The following ELMO1 variants were observed in gnomAD, a reference collection of about 807,000 sequenced individuals.
ELMO1 encodes engulfment and cell motility protein 1.
In ELMO1, 26 loss-of-function variants were observed where a neutral mutation model predicts 98.9. The ratio of observed to expected loss-of-function variants is 0.26; its 90% CI spans 0.19 to 0.36. The LOEUF is 0.36. ELMO1 is among the 10% of genes least tolerant of loss of function. ELMO1 has a pLI of 1.00. For missense variants in ELMO1, 627 were observed against 935.2 expected (o/e 0.67, Z 4.30); for synonymous variants, 346 against 346.0 (o/e 1.00, Z 0.00).
chr7:37,266,953 T>C (rs1434087957), intron 5 of ELMO1, among the ~76,000 whole-genome samples: 1 of 151,096 alleles, frequency 6.6e-6, no homozygotes, highest in African/African-American at 2.4e-5. Context: ...GCGGAGATTT[T>C]AGTGAGCTGA....
Position 36,856,169 on chromosome 7 carries a change from A to G in ELMO1, c.1984-418T>C, listed in dbSNP as rs116662010. On this transcript the variant is annotated intron_variant, in intron 21 of 21. Coordinates refer to ENST00000310758, the MANE Select transcript of ELMO1 (RefSeq NM_014800.11). ...CAGCCCTGGACTCAACATCAGGTGA[A>G]GCAGGTTTCTTTGCTGACTCCAGTC... is the stretch of plus-strand genomic sequence containing the variant. Among the ~76,000 whole-genome samples, 278 of 152,334 alleles carry G rather than the reference A, an allele frequency of 1.8e-3. 1 individual carries two copies. Among genetic ancestry groups the G allele is most frequent in the African/African-American group, 6.5e-3 (271 of 41,578 alleles).
intron 1 of ELMO1, among the ~76,000 whole-genome samples, chr7:37,402,405 G>A (rs978769170): frequency 2.0e-5 from 3 of 152,074 alleles, no homozygotes; most frequent in Non-Finnish European, 2.9e-5. Flanking sequence ...GGTTTTTCGT[G>A]GGGTAAAGGG....
At chr7:37,259,104 A>G in intron 6 of ELMO1, 77 bp downstream of exon 6, 3 of 1,463,442 alleles carry the variant, frequency 2.0e-6, no homozygotes, top group Non-Finnish European at 2.7e-6. Flanking sequence ...AGAGTTTGCA[A>G]GTGTAAGGCA....
chr7:37,109,563 G>A (rs1195880445), intron 14 of ELMO1, among the ~76,000 whole-genome samples: 1 of 152,088 alleles, frequency 6.6e-6, no homozygotes, highest in South Asian at 2.1e-4. Flanking sequence ...GGAGTGTGAG[G>A]GTGGGGAACA....
chr7:36,855,526 A>C lies in ELMO1; in HGVS notation c.*25T>G. Reference sequence around the variant, plus strand: ...GTTAGCTAGGTGTTCCAGTTTTGGAAGGGGCATGTCTGGGCCCGGCCACTT... The same window carrying C: ...GTTAGCTAGGTGTTCCAGTTTTGGACGGGGCATGTCTGGGCCCGGCCACTT... On this transcript the variant is annotated 3_prime_UTR_variant, in exon 22 of 22. Transcript: ENST00000310758. This position sits in a 1 kb window ranked among gnomAD's most constrained non-coding sequence, Gnocchi z 4.2. 1 of 1,613,168 alleles carries C rather than the reference A, an allele frequency of 6.2e-7. No individual in the cohort carries two copies.
At chr7:37,094,041 C>T (rs757569254) in intron 15 of ELMO1, among the ~76,000 whole-genome samples, 12 of 152,180 alleles carry the variant, frequency 7.9e-5, no homozygotes, top group African/African-American at 1.9e-4. Context: ...TGAACTCCTT[C>T]GGGGACAAGG....
chr7:37,013,774 T>A (rs1281834876), intron 15 of ELMO1: 3 of 183,942 alleles, frequency 1.6e-5, no homozygotes, highest in African/African-American at 7.0e-5. Context: ...TACAGATTAT[T>A]CAAACTGCCC....
chr7:37,096,958 G>A (rs1200626552), intron 14 of ELMO1, among the ~76,000 whole-genome samples: 3 of 152,134 alleles, frequency 2.0e-5, no homozygotes, highest in Non-Finnish European at 4.4e-5. Flanking sequence ...TATTTTGCTT[G>A]TTCGTTCCCA....
At chr7:37,134,636 A>C (rs1161152179) in intron 13 of ELMO1, among the ~76,000 whole-genome samples, 1 of 152,192 alleles carries the variant, frequency 6.6e-6, no homozygotes, top group Non-Finnish European at 1.5e-5. Flanking sequence ...TACTATTCAC[A>C]ATAGCAAAGA....
intron 15 of ELMO1, among the ~76,000 whole-genome samples, chr7:37,041,994 G>C (rs1584554306): frequency 6.6e-6 from 1 of 151,886 alleles, no homozygotes; most frequent in Non-Finnish European, 1.5e-5. Context: ...TTGTTAAAGA[G>C]AGTTACATGG....
chr7:36,909,589 T>G (rs1190725232), intron 16 of ELMO1, among the ~76,000 whole-genome samples: 1 of 152,254 alleles, frequency 6.6e-6, no homozygotes, highest in Non-Finnish European at 1.5e-5. Context: ...TTTTCGTGTG[T>G]GTGGGTTGGT....
At chr7:37,402,770 A>C (rs1222356738) in intron 1 of ELMO1, among the ~76,000 whole-genome samples, 1 of 152,218 alleles carries the variant, frequency 6.6e-6, no homozygotes, top group Non-Finnish European at 1.5e-5. Flanking sequence ...ATTACACCTT[A>C]AAAGTAGTAC....
chr7:37,325,592 G>A (rs2392492), intron 2 of ELMO1, among the ~76,000 whole-genome samples: 5,687 of 152,098 alleles, frequency 0.037, 148 homozygotes, highest in Non-Finnish European at 0.06. Context: ...TTTGGTCCTA[G>A]ACTATTAAAA....
intron 1 of ELMO1, among the ~76,000 whole-genome samples, chr7:37,356,106 C>A (rs1583618001): frequency 1.3e-5 from 2 of 152,290 alleles, no homozygotes; most frequent in South Asian, 4.1e-4. Context: ...CTCTACTGCT[C>A]TCCTTTCTCC....
At chr7:36,917,830 T>C (rs1321135466) in intron 16 of ELMO1, among the ~76,000 whole-genome samples, 1 of 152,226 alleles carries the variant, frequency 6.6e-6, no homozygotes, top group Admixed American at 6.5e-5. Flanking sequence ...AGCAGGGAGC[T>C]GAGTGTCTAT....
intron 19 of ELMO1, among the ~76,000 whole-genome samples, chr7:36,875,341 T>G (rs1803860230): frequency 6.6e-6 from 1 of 152,176 alleles, no homozygotes; most frequent in South Asian, 2.1e-4. Flanking sequence ...CTAGCACATA[T>G]GTGCAGAAGG....
At chr7:36,927,992 T>C (rs1440407960) in intron 16 of ELMO1, among the ~76,000 whole-genome samples, 2 of 152,228 alleles carry the variant, frequency 1.3e-5, no homozygotes, top group Non-Finnish European at 2.9e-5. Context: ...CAATCTCTGA[T>C]TGTTCAGAAA....
intron 4 of ELMO1, among the ~76,000 whole-genome samples, chr7:37,287,725 G>T (rs1160478360): frequency 6.6e-6 from 1 of 152,148 alleles, no homozygotes; most frequent in Non-Finnish European, 1.5e-5. Flanking sequence ...CTTGGAAGGA[G>T]ATCCAAATTC....
chr7:36,874,249 T>C (rs1180822292), intron 19 of ELMO1, among the ~76,000 whole-genome samples: 1 of 152,240 alleles, frequency 6.6e-6, no homozygotes, highest in East Asian at 1.9e-4. Context: ...AGATCATTGT[T>C]GGCTTTTAAT....
Sources: gnomAD v4.1 joint callset for allele counts (sites outside exome capture counted in the v4.1 genomes callset) on GRCh38, gnomAD v4.1.1 for gene constraint, Gnocchi (gnomAD v3.1) non-coding constraint, MANE v1.5 for transcripts, NCBI Gene and HGNC (gene_info 2026-07-23, HGNC 2026-07-21) for gene names.